Variants in ERI3 observed in about 807,000 individuals in gnomAD.
The protein encoded by ERI3 is ERI1 exoribonuclease family member 3, also known as ERI1 exoribonuclease 3.
Under a neutral mutation model 44.4 loss-of-function variants are expected in ERI3, and 18 were observed. The ratio of observed to expected loss-of-function variants is 0.41; its 90% CI spans 0.28 to 0.60. The LOEUF is 0.60. Ranked by LOEUF, ERI3 falls within the 20% of genes least tolerant of loss-of-function variation. The probability of loss-of-function intolerance (pLI) is 0.36; values close to 1 mark genes in which losing one functional copy is unlikely to be tolerated. For synonymous variants in ERI3, 183 were observed against 164.8 expected, an observed-to-expected ratio of 1.11 and a Z score of -0.84; for missense variants, 294 against 435.5, an observed-to-expected ratio of 0.68 and a Z score of 2.89.
intron 6 of ERI3, among the ~76,000 whole-genome samples, chr1:44,300,694 T>C (rs1009576305): frequency 6.6e-6 from 1 of 152,116 alleles, no homozygotes; most frequent in African/African-American, 2.4e-5. Flanking sequence ...AAGCCCACCA[T>C]CAGGAGCCCC....
At chr1:44,262,523 A>G (rs779557818) in intron 7 of ERI3, among the ~76,000 whole-genome samples, 1 of 152,156 alleles carries the variant, frequency 6.6e-6, no homozygotes, top group Non-Finnish European at 1.5e-5. Context: ...CCATCTGGGC[A>G]CCCACGCCCT....
rs560906657 is a variant in ERI3 at position 44,277,877 on chromosome 1, G to A, written c.831+6958C>T. ...AAAAATAATAGCAACCACTGCACTG[G>A]GTCCTGCGAGGACTAGACAATGTAG... On this transcript the variant is annotated intron_variant, in intron 7 of 8. Coordinates refer to ENST00000372257, the MANE Select transcript of ERI3 (RefSeq NM_024066.3). 1.8e-4 allele frequency among the ~76,000 whole-genome samples: 27 copies of A among 152,208 alleles called. No individual in the cohort carries two copies. The South Asian group carries it at 5.2e-3, about 29-fold the overall frequency.
intron 2 of ERI3, among the ~76,000 whole-genome samples, chr1:44,351,146 G>A (rs569252509): frequency 3.9e-4 from 59 of 151,570 alleles, no homozygotes; most frequent in African/African-American, 1.3e-3. Flanking sequence ...CAATTCTCCC[G>A]CCTCAGCCTC....
intron 2 of ERI3, 146 bp downstream of exon 2, chr1:44,352,704 A>C: frequency 1.2e-6 from 1 of 804,926 alleles, no homozygotes; most frequent in Non-Finnish European, 2.0e-6. Flanking sequence ...TTATCAGAAG[A>C]AGCTACAAAA....
chr1:44,345,993 A>G (rs905330186), intron 2 of ERI3, among the ~76,000 whole-genome samples: 9 of 152,242 alleles, frequency 5.9e-5, no homozygotes, highest in Non-Finnish European at 1.3e-4. Flanking sequence ...AGAGGCCAAG[A>G]GCCTGAGGAC....
At chr1:44,340,525 G>A (rs371849540) in intron 2 of ERI3, among the ~76,000 whole-genome samples, 6 of 152,190 alleles carry the variant, frequency 3.9e-5, no homozygotes, top group African/African-American at 1.4e-4. Flanking sequence ...GTGAAGTCCA[G>A]CGCGTACTCA....
chr1:44,343,763 T>C (rs1386763908), intron 2 of ERI3, among the ~76,000 whole-genome samples: 1 of 152,168 alleles, frequency 6.6e-6, no homozygotes, highest in East Asian at 1.9e-4. Flanking sequence ...CTGATTTTGA[T>C]GGTTGTATTT....
At chr1:44,257,084 C>T (rs1644796367) in intron 7 of ERI3, among the ~76,000 whole-genome samples, 2 of 152,142 alleles carry the variant, frequency 1.3e-5, no homozygotes, top group Non-Finnish European at 2.9e-5. Context: ...CAGCCCTTTC[C>T]TCCCCGGGGT....
intron 3 of ERI3, among the ~76,000 whole-genome samples, chr1:44,334,998 A>G (rs562529104): frequency 6.6e-6 from 1 of 152,354 alleles, no homozygotes; most frequent in African/African-American, 2.4e-5. Flanking sequence ...CTCAAGGGGT[A>G]TGACACACTG....
chr1:44,242,655 GC>G (rs2154317572), intron 8 of ERI3, among the ~76,000 whole-genome samples: 1 of 152,278 alleles, frequency 6.6e-6, no homozygotes, highest in African/African-American at 2.4e-5. Context: ...GAGGTGCAAG[GC>G]CCCCTCCCCC....
At chr1:44,326,186 T>C (rs922721128) in intron 3 of ERI3, among the ~76,000 whole-genome samples, 1 of 152,196 alleles carries the variant, frequency 6.6e-6, no homozygotes, top group African/African-American at 2.4e-5. Context: ...AAAGGTTTGA[T>C]AAAATCTAAA....
chr1:44,350,247 T>C (rs1259424977), intron 2 of ERI3, among the ~76,000 whole-genome samples: 1 of 151,668 alleles, frequency 6.6e-6, no homozygotes, highest in Non-Finnish European at 1.5e-5. Context: ...TAAAATATAG[T>C]TTCCAAAGGA....
At chr1:44,339,930 C>A (rs1028339773) in intron 2 of ERI3, among the ~76,000 whole-genome samples, 5 of 152,174 alleles carry the variant, frequency 3.3e-5, no homozygotes, top group Admixed American at 6.5e-5. Context: ...TCCCCCAACC[C>A]CCACACTAGT....
intron 3 of ERI3, among the ~76,000 whole-genome samples, chr1:44,320,382 A>G (rs1646174607): frequency 6.6e-6 from 1 of 152,250 alleles, no homozygotes; most frequent in African/African-American, 2.4e-5. Flanking sequence ...CCACTGAAAC[A>G]TAATGGAAGA....
intron 8 of ERI3, chr1:44,244,337 C>CGCTG (rs1644506941): frequency 6.5e-6 from 1 of 153,128 alleles, no homozygotes; most frequent in African/African-American, 2.4e-5. Context: ...TATGATGTCA[C>CGCTG]GCTGACAAGC....
At chr1:44,285,007 C>T in intron 6 of ERI3, 100 bp from the exon 7 acceptor site, 1 of 1,009,134 alleles carries the variant, frequency 9.9e-7, no homozygotes, top group Non-Finnish European at 1.5e-6. Context: ...GACAAACAGA[C>T]CTCAAAAGGT....
chr1:44,288,613 T>C (rs1369735339), intron 6 of ERI3, among the ~76,000 whole-genome samples: 1 of 152,126 alleles, frequency 6.6e-6, no homozygotes, highest in Non-Finnish European at 1.5e-5. Flanking sequence ...ATTTGCTCAA[T>C]CATACAACAA....
chr1:44,311,957 T>A lies in ERI3; in HGVS notation c.666+1212A>T, dbSNP rs138237062. Among the ~76,000 whole-genome samples the A allele has an allele frequency of 3.4e-3, 518 of 152,100 alleles. 10 individuals carry two copies. Among genetic ancestry groups the A allele is most frequent in the African/African-American group, 0.012 (496 of 41,482 alleles). On this transcript the variant is annotated intron_variant, in intron 5 of 8. Transcript: ENST00000372257. ...AAGCATCTCAGAGCTCATCTTATCTTCTCCCAATCTACCGCAGGTGCCCAA... is the reference window on the plus strand; with the variant it reads ...AAGCATCTCAGAGCTCATCTTATCTACTCCCAATCTACCGCAGGTGCCCAA...
rs1183969040 is a variant in ERI3, at chr1:44,228,445, AT to A, written c.932-6806del. ...AGTCCACTTATTCAAACAACTCACC[AT>A]TACCATATTTTTAAATATTAGACTT... is the stretch of plus-strand genomic sequence containing the variant. On this transcript the variant is annotated intron_variant, in intron 8 of 8. Coordinates refer to ENST00000372257, the MANE Select transcript of ERI3 (RefSeq NM_024066.3). The surrounding 1 kb of genome is among the most constrained non-coding windows in gnomAD (Gnocchi z 4.3). Among the ~76,000 whole-genome samples the A allele has an allele frequency of 6.6e-6, 1 of 152,226 alleles. No individual in the cohort carries two copies. Among genetic ancestry groups the A allele is most frequent in the Non-Finnish European group, 1.5e-5 (1 of 68,048 alleles).
Sources: allele counts gnomAD v4.1 joint callset (sites outside exome capture counted in the v4.1 genomes callset), GRCh38; gene constraint gnomAD v4.1.1; non-coding constraint Gnocchi (gnomAD v3.1); transcripts MANE v1.5; gene names NCBI Gene and HGNC (gene_info 2026-07-23, HGNC 2026-07-21).